UBASH3B: variants seen among roughly 807,000 people sequenced by gnomAD.
UBASH3B encodes the protein ubiquitin-associated and SH3 domain-containing protein B.
Under a neutral mutation model 83.4 loss-of-function variants are expected in UBASH3B, and 37 were observed. The observed-to-expected ratio is 0.44, with a 90% CI of 0.34 to 0.58. The LOEUF (loss-of-function observed/expected upper bound fraction) is 0.58, where lower values mean the gene tolerates loss of function less well. UBASH3B is among the 20% of genes least tolerant of loss of function. The pLI, the probability that UBASH3B is intolerant of heterozygous loss-of-function variation, is 0.01. For synonymous variants in UBASH3B, 304 were observed against 318.3 expected (o/e 0.96, Z 0.48); for missense variants, 657 against 827.2 (o/e 0.79, Z 2.52).
At chr11:122,710,153 CAAAAAA>C (rs533815380) in intron 1 of UBASH3B, among the ~76,000 whole-genome samples, 1 of 65,252 alleles carries the variant, frequency 1.5e-5, no homozygotes. Context: ...GAGACTGTCT[CAAAAAA>C]AAAAAAAAAA....
intron 9 of UBASH3B, among the ~76,000 whole-genome samples, chr11:122,797,538 T>C (rs772891925): frequency 2.0e-5 from 3 of 152,218 alleles, no homozygotes; most frequent in Non-Finnish European, 2.9e-5. Context: ...GGTATTGGAC[T>C]AGGGGAACCC....
intron 1 of UBASH3B, among the ~76,000 whole-genome samples, chr11:122,744,101 C>G (rs1861071767): frequency 6.6e-6 from 1 of 152,294 alleles, no homozygotes; most frequent in South Asian, 2.1e-4. Flanking sequence ...GCCCATGCAC[C>G]TGGGCCCCTT....
chr11:122,754,347 C>G (rs1410168814), intron 1 of UBASH3B, among the ~76,000 whole-genome samples: 1 of 152,172 alleles, frequency 6.6e-6, no homozygotes, highest in Non-Finnish European at 1.5e-5. Context: ...AACTCATTTT[C>G]CTGAAGAATC....
intron 1 of UBASH3B, among the ~76,000 whole-genome samples, chr11:122,681,708 A>G (rs1863741761): frequency 6.6e-6 from 1 of 152,026 alleles, no homozygotes; most frequent in Non-Finnish European, 1.5e-5. Context: ...ACACACACAC[A>G]CACACAGGCA....
intron 1 of UBASH3B, among the ~76,000 whole-genome samples, chr11:122,707,837 G>T (rs1042061405): frequency 1.3e-5 from 2 of 152,052 alleles, no homozygotes. Context: ...TGGGATTACA[G>T]GTGTGCGCCA....
intron 1 of UBASH3B, among the ~76,000 whole-genome samples, chr11:122,737,125 A>T (rs1443685640): frequency 6.6e-6 from 1 of 152,200 alleles, no homozygotes; most frequent in African/African-American, 2.4e-5. Flanking sequence ...AAACCAGGGA[A>T]GGGCCAGAAA....
At chr11:122,726,848 G>A (rs1250475831) in intron 1 of UBASH3B, among the ~76,000 whole-genome samples, 1 of 152,148 alleles carries the variant, frequency 6.6e-6, no homozygotes, top group Non-Finnish European at 1.5e-5. Flanking sequence ...ATGTAAATGA[G>A]GGACAATATT....
intron 1 of UBASH3B, among the ~76,000 whole-genome samples, chr11:122,704,059 G>A (rs1344169): frequency 0.28 from 41,911 of 152,210 alleles, 7,064 homozygotes; most frequent in Non-Finnish European, 0.39. Flanking sequence ...GGGTGCCTGC[G>A]GCGGTGGGGC....
intron 5 of UBASH3B, among the ~76,000 whole-genome samples, chr11:122,787,094 A>G (rs1368571028): frequency 6.6e-6 from 1 of 152,176 alleles, no homozygotes; most frequent in Admixed American, 6.5e-5. Flanking sequence ...TTATTAGCCA[A>G]GACCATGCTG....
intron 1 of UBASH3B, among the ~76,000 whole-genome samples, chr11:122,768,506 G>A (rs57785602): frequency 0.43 from 53,730 of 125,008 alleles, 10,492 homozygotes; most frequent in Non-Finnish European, 0.48. Context: ...GTGTGTGTGT[G>A]TGTATATATA....
intron 11 of UBASH3B, among the ~76,000 whole-genome samples, chr11:122,802,062 A>G (rs1861266517): frequency 6.6e-6 from 1 of 152,194 alleles, no homozygotes; most frequent in African/African-American, 2.4e-5. Flanking sequence ...CACGCCTATA[A>G]TCCCAGCACT....
chr11:122,776,948 G>A, intron 2 of UBASH3B, 76 bp from the exon 3 acceptor site: 1 of 1,371,392 alleles, frequency 7.3e-7, no homozygotes, highest in South Asian at 1.4e-5. Flanking sequence ...CATGGAGGGT[G>A]GATCTGTCTC....
intron 1 of UBASH3B, among the ~76,000 whole-genome samples, chr11:122,685,869 C>T (rs550949425): frequency 2.0e-5 from 3 of 152,288 alleles, no homozygotes; most frequent in East Asian, 3.9e-4. Flanking sequence ...ATTTTCACCT[C>T]ATGGGGTCTT....
chr11:122,760,609 C>T (rs1477011412), intron 1 of UBASH3B, among the ~76,000 whole-genome samples: 1 of 152,176 alleles, frequency 6.6e-6, no homozygotes, highest in Non-Finnish European at 1.5e-5. Flanking sequence ...GATCCACCCA[C>T]CTTGGCCTCC....
intron 1 of UBASH3B, among the ~76,000 whole-genome samples, chr11:122,714,126 G>A (rs534748916): frequency 4.6e-5 from 7 of 152,284 alleles, no homozygotes; most frequent in African/African-American, 1.4e-4. Flanking sequence ...CATATGCTGG[G>A]CATCATCTGT....
rs374649751 is a variant in UBASH3B, at chr11:122,660,235, C to A, written c.161+4025C>A. Among the ~76,000 whole-genome samples the A allele has an allele frequency of 3.3e-5, 5 of 152,200 alleles. No homozygotes were observed. The South Asian group carries it at 1.0e-3, about 32-fold the overall frequency. On this transcript the variant is annotated intron_variant, in intron 1 of 13. Coordinates refer to ENST00000284273, the MANE Select transcript of UBASH3B (RefSeq NM_032873.5). ...TTAGACACTGCTATAGGAGAATTTGCCTCATGGAGGACTGAGAAGTGGCGA... is the reference window on the plus strand; with the variant it reads ...TTAGACACTGCTATAGGAGAATTTGACTCATGGAGGACTGAGAAGTGGCGA...
chr11:122,699,552 T>C (rs1864012637), intron 1 of UBASH3B, among the ~76,000 whole-genome samples: 1 of 150,322 alleles, frequency 6.7e-6, no homozygotes, highest in African/African-American at 2.5e-5. Context: ...TTTCTTTCTT[T>C]CTTTCTTTCT....
At chr11:122,763,427 G>A (rs1243311118) in intron 1 of UBASH3B, among the ~76,000 whole-genome samples, 1 of 152,202 alleles carries the variant, frequency 6.6e-6, no homozygotes, top group Non-Finnish European at 1.5e-5. Context: ...CTGCCTAACA[G>A]CCTCTTTATG....
At chr11:122,692,859 T>C (rs1863912973) in intron 1 of UBASH3B, among the ~76,000 whole-genome samples, 1 of 152,170 alleles carries the variant, frequency 6.6e-6, no homozygotes. Flanking sequence ...GTGATTATAG[T>C]GTGATAAGTG....
Sources: gnomAD v4.1 joint callset for allele counts (sites outside exome capture counted in the v4.1 genomes callset) on GRCh38, gnomAD v4.1.1 for gene constraint, MANE v1.5 for transcripts, NCBI Gene and HGNC (gene_info 2026-07-23, HGNC 2026-07-21) for gene names.